Variants in RPS6KA2 observed in about 807,000 individuals in gnomAD.
The protein encoded by RPS6KA2 is ribosomal protein S6 kinase A2.
RPS6KA2 carries 42 observed loss-of-function variants against 91.8 expected under a neutral mutation model. The ratio of observed to expected loss-of-function variants is 0.46; its 90% CI spans 0.36 to 0.59. The LOEUF (loss-of-function observed/expected upper bound fraction) is 0.59, where lower values mean the gene tolerates loss of function less well. Among genes scored for constraint, RPS6KA2 ranks in the 20% least tolerant of loss-of-function variants. The probability of loss-of-function intolerance (pLI) is 0.00; values close to 1 mark genes in which losing one functional copy is unlikely to be tolerated. For synonymous variants in RPS6KA2, 414 were observed against 393.6 expected (o/e 1.05, Z -0.61); for missense variants, 798 against 978.5 (o/e 0.82, Z 2.46).
At chr6:166,692,532 CAAAGTAGAAT>C (rs1291602711) in intron 2 of RPS6KA2, among the ~76,000 whole-genome samples, 2 of 151,662 alleles carry the variant, frequency 1.3e-5, no homozygotes, top group Non-Finnish European at 1.5e-5. Flanking sequence ...TACATAGGAA[CAAAGTAGAAT>C]AAAGTAGAAT....
chr6:166,610,708 A>G (rs1786140182), intron 1 of RPS6KA2, among the ~76,000 whole-genome samples: 1 of 152,246 alleles, frequency 6.6e-6, no homozygotes, highest in Non-Finnish European at 1.5e-5. Context: ...TGACCATAAA[A>G]TCATATGGAA....
At chr6:166,551,594 A>T in intron 1 of RPS6KA2, among the ~76,000 whole-genome samples, 1 of 152,214 alleles carries the variant, frequency 6.6e-6, no homozygotes, top group East Asian at 1.9e-4. Flanking sequence ...TTGGACAAAA[A>T]CCTCATTCAA....
chr6:166,464,414 T>C (rs2235285), intron 11 of RPS6KA2, among the ~76,000 whole-genome samples: 20,190 of 152,200 alleles, frequency 0.13, 1,677 homozygotes, highest in East Asian at 0.41. Flanking sequence ...CTAGTATTGA[T>C]CATGAATAAC....
intron 2 of RPS6KA2, among the ~76,000 whole-genome samples, chr6:166,766,931 C>T (rs566268044): frequency 2.4e-4 from 37 of 152,234 alleles, no homozygotes; most frequent in Non-Finnish European, 5.0e-4. Flanking sequence ...AGCTGCGTGG[C>T]CCTGTGGGCC....
chr6:166,594,280 C>A lies in RPS6KA2; in HGVS notation c.99+32641G>T, dbSNP rs907887847. Among the ~76,000 whole-genome samples, 3 of 151,972 alleles carry A rather than the reference C, an allele frequency of 2.0e-5. No individual in the cohort carries two copies. In the South Asian group the frequency reaches 6.2e-4, roughly 32 times the overall value. On this transcript the variant is annotated intron_variant, in intron 1 of 20. Coordinates refer to ENST00000265678, the MANE Select transcript of RPS6KA2 (RefSeq NM_021135.6). ...ACATGAAGAAAGAATCAGAGGAAATCAAAAATTTAACAAGGGTCATTCTAA... is the reference window on the plus strand; with the variant it reads ...ACATGAAGAAAGAATCAGAGGAAATAAAAAATTTAACAAGGGTCATTCTAA...
At chr6:166,485,110 C>T (rs990132509) in intron 10 of RPS6KA2, among the ~76,000 whole-genome samples, 2 of 152,334 alleles carry the variant, frequency 1.3e-5, no homozygotes, top group Admixed American at 6.5e-5. Context: ...ACCCATGGGG[C>T]CTGCCTTCCA....
At chr6:166,531,372 T>C (rs980390275) in intron 2 of RPS6KA2, 59 bp from the exon 3 acceptor site, 2 of 1,314,734 alleles carry the variant, frequency 1.5e-6, no homozygotes, top group Admixed American at 1.7e-5. Context: ...GCTTTCCATA[T>C]TGGATTTGAC....
chr6:166,614,353 G>A lies in RPS6KA2; in HGVS notation c.99+12568C>T, dbSNP rs1017256059. On this transcript the variant is annotated intron_variant, in intron 1 of 20. Transcript: ENST00000265678. ...CTCGAGCCCTCTATCGTAATACCTC[G>A]AGCCCCCATTCCCAGAAGGACACTG... Among the ~76,000 whole-genome samples the A allele has an allele frequency of 3.9e-5, 6 of 152,160 alleles. No homozygotes were observed. The East Asian group carries it at 1.2e-3, about 29-fold the overall frequency.
intron 2 of RPS6KA2, among the ~76,000 whole-genome samples, chr6:166,779,941 GT>G (rs1399948171): frequency 6.6e-6 from 1 of 152,142 alleles, no homozygotes; most frequent in East Asian, 1.9e-4. Context: ...GAAGGAGATA[GT>G]TTTTTTGAAC....
intron 1 of RPS6KA2, among the ~76,000 whole-genome samples, chr6:166,573,531 G>A (rs547540260): frequency 7.2e-5 from 11 of 152,384 alleles, no homozygotes; most frequent in African/African-American, 2.6e-4. Flanking sequence ...AGGCATCCAG[G>A]TGCCTCCCTG....
At chr6:166,519,974 T>C (rs1782794964) in intron 3 of RPS6KA2, among the ~76,000 whole-genome samples, 1 of 152,138 alleles carries the variant, frequency 6.6e-6, no homozygotes, top group Non-Finnish European at 1.5e-5. Context: ...GATATCAACA[T>C]TTGAATTGGT....
intron 2 of RPS6KA2, among the ~76,000 whole-genome samples, chr6:166,707,543 T>A (rs1789716398): frequency 6.6e-6 from 1 of 152,068 alleles, no homozygotes; most frequent in South Asian, 2.1e-4. Context: ...TCTGGGCACG[T>A]TTAAAGTTAT....
chr6:166,709,436 T>C (rs1269271826), intron 2 of RPS6KA2, among the ~76,000 whole-genome samples: 2 of 152,210 alleles, frequency 1.3e-5, no homozygotes, highest in South Asian at 4.1e-4. Context: ...GAGGCTAGCC[T>C]GTGCAACATA....
chr6:166,550,807 C>T (rs559087351), intron 1 of RPS6KA2, among the ~76,000 whole-genome samples: 5 of 151,940 alleles, frequency 3.3e-5, no homozygotes, highest in South Asian at 2.1e-4. Context: ...TCGACACCAT[C>T]CTGGCTAACA....
chr6:166,578,248 C>T (rs530155314), intron 1 of RPS6KA2, among the ~76,000 whole-genome samples: 19 of 152,326 alleles, frequency 1.2e-4, no homozygotes, highest in Admixed American at 3.3e-4. Flanking sequence ...AGCCACGTGC[C>T]GTAGACTCCT....
chr6:166,451,356 T>C (rs1366317334), intron 12 of RPS6KA2, 123 bp from the exon 13 acceptor site: 1 of 1,097,906 alleles, frequency 9.1e-7, no homozygotes. Context: ...TGTGTGTGTG[T>C]GTGCACGTGG....
chr6:166,763,297 A>G (rs1421324362), intron 2 of RPS6KA2, among the ~76,000 whole-genome samples: 1 of 152,268 alleles, frequency 6.6e-6, no homozygotes, highest in Non-Finnish European at 1.5e-5. Context: ...TCCACAAAAT[A>G]AACTGCAAGA....
At chr6:166,487,712 C>G (rs771570569) in intron 10 of RPS6KA2, among the ~76,000 whole-genome samples, 2 of 152,202 alleles carry the variant, frequency 1.3e-5, no homozygotes, top group African/African-American at 2.4e-5. Context: ...ACAACTATGA[C>G]AATTCATTAC....
chr6:166,588,483 T>G (rs1031407718), intron 1 of RPS6KA2, among the ~76,000 whole-genome samples: 2 of 152,152 alleles, frequency 1.3e-5, no homozygotes, highest in South Asian at 4.1e-4. Context: ...GACATCCCTT[T>G]GCTGCCTCCT....
Sources: allele counts gnomAD v4.1 joint callset (sites outside exome capture counted in the v4.1 genomes callset), GRCh38; gene constraint gnomAD v4.1.1; transcripts MANE v1.5; gene names NCBI Gene and HGNC (gene_info 2026-07-23, HGNC 2026-07-21).